Variants in CHEK2 observed in about 807,000 individuals in gnomAD.
The protein encoded by CHEK2 is checkpoint kinase 2, also known as serine/threonine-protein kinase Chk2.
In CHEK2, 71 loss-of-function variants were observed where a neutral mutation model predicts 69.1. That is an observed-to-expected ratio of 1.03 (90% CI 0.85 to 1.25). CHEK2 has a LOEUF of 1.25. CHEK2 is among the 50% of genes most tolerant of loss of function. The pLI is 0.00. For missense variants in CHEK2, 664 were observed against 649.6 expected, an observed-to-expected ratio of 1.02 and a Z score of -0.24; for synonymous variants, 189 against 226.9, an observed-to-expected ratio of 0.83 and a Z score of 1.50.
intron 1 of CHEK2, among the ~76,000 whole-genome samples, chr22:28,735,140 GT>G (rs2054359254): frequency 6.6e-6 from 1 of 152,076 alleles, no homozygotes; most frequent in Non-Finnish European, 1.5e-5. Flanking sequence ...AGGCGCGGGG[GT>G]TCACTCCTGT....
At chr22:28,704,639 C>T (rs17883774) in intron 7 of CHEK2, among the ~76,000 whole-genome samples, 1,579 of 152,122 alleles carry the variant, frequency 0.01, 35 homozygotes, top group African/African-American at 0.036. Flanking sequence ...GGTGGGCACA[C>T]CTATTGTTTT....
chr22:28,704,768 A>G (rs2053042961), intron 7 of CHEK2, among the ~76,000 whole-genome samples: 1 of 152,232 alleles, frequency 6.6e-6, no homozygotes, highest in South Asian at 2.1e-4. Context: ...AGAATTAAAA[A>G]GAAAAGAGTC....
chr22:28,726,231 G>A (rs1414884176), intron 2 of CHEK2: 1 of 151,214 alleles, frequency 6.6e-6, no homozygotes, highest in Non-Finnish European at 1.5e-5. Context: ...TTAACCAGAT[G>A]TGGTGGTGCA....
chr22:28,694,884 A>G (rs1351713120), intron 12 of CHEK2, among the ~76,000 whole-genome samples: 1 of 152,228 alleles, frequency 6.6e-6, no homozygotes, highest in Non-Finnish European at 1.5e-5. Context: ...CTTTACACAG[A>G]AAGAAATTGG....
intron 4 of CHEK2, among the ~76,000 whole-genome samples, chr22:28,722,189 A>G (rs2053809742): frequency 2.0e-5 from 3 of 152,074 alleles, no homozygotes; most frequent in African/African-American, 2.4e-5. Context: ...CTCCTCCCCT[A>G]GGTACCCACA....
intron 13 of CHEK2, among the ~76,000 whole-genome samples, chr22:28,693,668 G>C (rs951432774): frequency 1.3e-5 from 2 of 152,164 alleles, no homozygotes; most frequent in African/African-American, 4.8e-5. Flanking sequence ...GTTGTAGCCT[G>C]GCCAGCACGG....
Position 28,715,395 on chromosome 22 carries a change from A to ATTTT in CHEK2, c.684-3382_684-3379dup, listed in dbSNP as rs531274182. 7.1e-4 allele frequency among the ~76,000 whole-genome samples: 58 copies of ATTTT among 81,722 alleles called. 1 individual carries two copies. Among genetic ancestry groups the ATTTT allele is most frequent in the Non-Finnish European group, 1.3e-3 (45 of 35,538 alleles). The allele number at this position is 81,722 out of a possible 152,430, so 53.6% of individuals were successfully genotyped here. A position where few individuals can be genotyped will look rare whatever the true frequency, so the allele number is the denominator to read the frequency against. On this transcript the variant is annotated intron_variant, in intron 5 of 14. Coordinates refer to ENST00000404276, the MANE Select transcript of CHEK2 (RefSeq NM_007194.4). ...AGTAAGGATTTGCCTGCTTATTTTT[A>ATTTT]TTTTTATTTATTTATTTATTTATTT...
At position 28,710,111 on chromosome 22, in the gene CHEK2, T is replaced by TA. The variant is rs1445920207; in HGVS notation, c.793-53dup. 5.6e-6 allele frequency: 7 copies of TA among 1,250,904 alleles called. No homozygotes were observed. In the East Asian group the frequency reaches 1.2e-4, roughly 21 times the overall value. 77.5% of individuals were successfully genotyped at this position (1,250,904 alleles called of 1,614,324 possible). A position where few individuals can be genotyped will look rare whatever the true frequency, so the allele number is the denominator to read the frequency against. On this transcript the variant is annotated intron_variant, in intron 6 of 14. Transcript: ENST00000404276. ...ATTAGTAATAATAATTGCCAATATT[T>TA]AAAAAAACATTTACAGTTAAACTCA... is the stretch of plus-strand genomic sequence containing the variant.
chr22:28,700,061 G>T, intron 8 of CHEK2, 124 bp from the exon 9 acceptor site: 1 of 691,416 alleles, frequency 1.4e-6, no homozygotes, highest in South Asian at 1.8e-5. Context: ...ATTCACTTTT[G>T]ACTCTCATTT....
At chr22:28,734,113 A>G (rs1483140185) in intron 2 of CHEK2, among the ~76,000 whole-genome samples, 2 of 152,084 alleles carry the variant, frequency 1.3e-5, no homozygotes, top group African/African-American at 2.4e-5. Flanking sequence ...CATAGGATGT[A>G]AACAGTGGGA....
chr22:28,734,268 A>G, intron 2 of CHEK2, 135 bp downstream of exon 2: 1 of 775,838 alleles, frequency 1.3e-6, no homozygotes, highest in Non-Finnish European at 2.2e-6. Flanking sequence ...TTGCTTGTTC[A>G]TGCATGATGT....
At chr22:28,707,915 C>T (rs1191902485) in intron 7 of CHEK2, among the ~76,000 whole-genome samples, 2 of 146,466 alleles carry the variant, frequency 1.4e-5, no homozygotes, top group Middle Eastern at 3.8e-3. Context: ...CGGCTCACTG[C>T]AAGCTCCGCC....
intron 9 of CHEK2, 119 bp downstream of exon 9, chr22:28,699,719 A>C (rs2052747512): frequency 2.4e-6 from 2 of 818,644 alleles, no homozygotes; most frequent in Non-Finnish European, 4.2e-6. Flanking sequence ...AGAAGAGAAC[A>C]GCAAACACAC....
chr22:28,705,035 C>T (rs1248936003), intron 7 of CHEK2, among the ~76,000 whole-genome samples: 2 of 151,618 alleles, frequency 1.3e-5, no homozygotes, highest in African/African-American at 4.8e-5. Flanking sequence ...TTGAGCATCC[C>T]ACATACAAAA....
chr22:28,719,534 G>C (rs565270743), intron 4 of CHEK2, 49 bp from the exon 5 acceptor site: 1 of 1,043,062 alleles, frequency 9.6e-7, no homozygotes, highest in Non-Finnish European at 1.4e-6. Flanking sequence ...ATTCACAAGA[G>C]GCGATCACTG....
intron 9 of CHEK2, among the ~76,000 whole-genome samples, chr22:28,699,091 A>G (rs945746558): frequency 5.3e-5 from 8 of 151,966 alleles, no homozygotes; most frequent in Non-Finnish European, 1.0e-4. Context: ...TGTAGCCTCA[A>G]CCTCCCAGGC....
At chr22:28,722,333 GATGGAGA>G (rs1223098747) in intron 4 of CHEK2, among the ~76,000 whole-genome samples, 1 of 151,868 alleles carries the variant, frequency 6.6e-6, no homozygotes, top group East Asian at 1.9e-4. Context: ...GAGGTCAGGA[GATGGAGA>G]CCATCCTGGC....
chr22:28,700,079 T>G, intron 8 of CHEK2, 142 bp from the exon 9 acceptor site: 1 of 641,648 alleles, frequency 1.6e-6, no homozygotes, highest in Non-Finnish European at 2.8e-6. Context: ...TTTTTAAAAC[T>G]AATAAGGTTT....
intron 7 of CHEK2, among the ~76,000 whole-genome samples, chr22:28,705,904 T>C (rs1019238425): frequency 5.3e-5 from 8 of 151,324 alleles, no homozygotes; most frequent in African/African-American, 1.9e-4. Context: ...AATCGCGCCA[T>C]GGCACTCTAG....
Sources: allele counts gnomAD v4.1 joint callset (sites outside exome capture counted in the v4.1 genomes callset), GRCh38; gene constraint gnomAD v4.1.1; transcripts MANE v1.5; gene names NCBI Gene and HGNC (gene_info 2026-07-23, HGNC 2026-07-21).